The following PPP2R5E variants were observed in gnomAD, a reference collection of about 807,000 sequenced individuals.
PPP2R5E encodes the protein protein phosphatase 2 regulatory subunit B'epsilon.
A neutral mutation model predicts 65.3 loss-of-function variants in PPP2R5E; 4 were observed. The observed-to-expected ratio is 0.06, with a 90% CI of 0.03 to 0.14. PPP2R5E has a LOEUF of 0.14. Among genes scored for constraint, PPP2R5E ranks in the 10% least tolerant of loss-of-function variants. PPP2R5E has a pLI of 1.00. For missense variants in PPP2R5E, 274 were observed against 556.1 expected, an observed-to-expected ratio of 0.49 and a Z score of 5.10; for synonymous variants, 183 against 187.4, an observed-to-expected ratio of 0.98 and a Z score of 0.19.
chr14:63,380,842 CAAA>C (rs1295215708), intron 13 of PPP2R5E, among the ~76,000 whole-genome samples: 1 of 151,942 alleles, frequency 6.6e-6, no homozygotes, highest in Non-Finnish European at 1.5e-5. Flanking sequence ...TAACTTAAAA[CAAA>C]AAAATCATTG....
chr14:63,387,395 G>A (rs189413902), intron 11 of PPP2R5E, among the ~76,000 whole-genome samples: 25 of 152,218 alleles, frequency 1.6e-4, no homozygotes, highest in Admixed American at 1.5e-3. Flanking sequence ...CTGACAACAG[G>A]ACAGAGCCAC....
At chr14:63,463,914 A>C (rs998925275) in intron 2 of PPP2R5E, among the ~76,000 whole-genome samples, 1 of 152,190 alleles carries the variant, frequency 6.6e-6, no homozygotes, top group African/African-American at 2.4e-5. Flanking sequence ...TTTTTAAAAT[A>C]AACAGAATGG....
chr14:63,472,342 G>A (rs950563799), intron 2 of PPP2R5E, among the ~76,000 whole-genome samples: 1 of 151,866 alleles, frequency 6.6e-6, no homozygotes, highest in Non-Finnish European at 1.5e-5. Context: ...TTAGTGTTAA[G>A]TCTCTCAAAA....
intron 2 of PPP2R5E, among the ~76,000 whole-genome samples, chr14:63,495,800 C>T (rs1479012918): frequency 6.6e-6 from 1 of 151,898 alleles, no homozygotes; most frequent in East Asian, 1.9e-4. Flanking sequence ...AAATGATCCT[C>T]CTGCCTCAGC....
At chr14:63,398,202 T>C (rs1188743565) in intron 5 of PPP2R5E, among the ~76,000 whole-genome samples, 3 of 152,042 alleles carry the variant, frequency 2.0e-5, no homozygotes, top group Non-Finnish European at 2.9e-5. Flanking sequence ...TCAATCTCTA[T>C]CAAAAGTTCT....
chr14:63,497,086 T>G (rs1476084840), intron 2 of PPP2R5E, among the ~76,000 whole-genome samples: 1 of 152,106 alleles, frequency 6.6e-6, no homozygotes, highest in Admixed American at 6.5e-5. Context: ...AAAAATAAAC[T>G]ATCTCTATTT....
intron 2 of PPP2R5E, among the ~76,000 whole-genome samples, chr14:63,501,883 A>C (rs1891907561): frequency 1.3e-5 from 2 of 152,236 alleles, no homozygotes; most frequent in Admixed American, 1.3e-4. Flanking sequence ...CCAAATAAAA[A>C]TTAGAGTTTT....
intron 2 of PPP2R5E, among the ~76,000 whole-genome samples, chr14:63,490,414 C>T (rs539991411): frequency 2.0e-5 from 3 of 151,884 alleles, no homozygotes; most frequent in Non-Finnish European, 2.9e-5. Context: ...AAAGCACTTC[C>T]GCACAGTGAA....
At chr14:63,484,755 G>A (rs763454912) in intron 2 of PPP2R5E, among the ~76,000 whole-genome samples, 2 of 152,134 alleles carry the variant, frequency 1.3e-5, no homozygotes, top group Non-Finnish European at 2.9e-5. Flanking sequence ...AAGATATGGA[G>A]AGGTTCAAAA....
chr14:63,394,649 G>A (rs1251133855), intron 7 of PPP2R5E, among the ~76,000 whole-genome samples: 1 of 152,086 alleles, frequency 6.6e-6, no homozygotes, highest in East Asian at 1.9e-4. Context: ...CCCAGCCTAG[G>A]GAAATCACTG....
chr14:63,422,417 C>G (rs1414153582), intron 3 of PPP2R5E, among the ~76,000 whole-genome samples: 1 of 152,152 alleles, frequency 6.6e-6, no homozygotes, highest in Admixed American at 6.5e-5. Flanking sequence ...TCTGATTAAC[C>G]AACTGACATA....
At chr14:63,429,133 G>C (rs1302499647) in intron 3 of PPP2R5E, among the ~76,000 whole-genome samples, 1 of 152,066 alleles carries the variant, frequency 6.6e-6, no homozygotes, top group Non-Finnish European at 1.5e-5. Flanking sequence ...TGTGATCAGG[G>C]GACCACTTGT....
intron 3 of PPP2R5E, among the ~76,000 whole-genome samples, chr14:63,422,745 A>AC (rs1432430951): frequency 6.7e-6 from 1 of 149,694 alleles, no homozygotes; most frequent in Non-Finnish European, 1.5e-5. Flanking sequence ...AAAAAAAAAA[A>AC]AAAAAAAAAA....
intron 3 of PPP2R5E, among the ~76,000 whole-genome samples, chr14:63,443,323 T>C (rs1046739963): frequency 6.6e-6 from 1 of 152,178 alleles, no homozygotes; most frequent in Non-Finnish European, 1.5e-5. Context: ...AAGCAGAGAT[T>C]GAGAATTGAA....
At chr14:63,458,360 G>T (rs1265260746) in intron 2 of PPP2R5E, among the ~76,000 whole-genome samples, 1 of 152,154 alleles carries the variant, frequency 6.6e-6, no homozygotes, top group Non-Finnish European at 1.5e-5. Flanking sequence ...ACATAATCAT[G>T]GATCCAATAT....
At chr14:63,459,070 A>G (rs565000647) in intron 2 of PPP2R5E, among the ~76,000 whole-genome samples, 5 of 152,148 alleles carry the variant, frequency 3.3e-5, no homozygotes, top group African/African-American at 1.2e-4. Flanking sequence ...ACTTCAACAA[A>G]ATCACTGAGA....
At chr14:63,446,896 TG>T (rs1888510431) in intron 3 of PPP2R5E, among the ~76,000 whole-genome samples, 2 of 151,454 alleles carry the variant, frequency 1.3e-5, no homozygotes, top group South Asian at 4.2e-4. Flanking sequence ...TTAGAGCTCT[TG>T]GGTAACAAGG....
At chr14:63,519,507 ATTTT>A (rs557285871) in intron 2 of PPP2R5E, among the ~76,000 whole-genome samples, 3 of 124,326 alleles carry the variant, frequency 2.4e-5, no homozygotes, top group East Asian at 2.4e-4. Context: ...TGCCCAGCTA[ATTTT>A]TTTTTTTTTT....
chr14:63,411,659 A>T (rs12432576), intron 5 of PPP2R5E, among the ~76,000 whole-genome samples: 2,349 of 79,632 alleles, frequency 0.029, 33 homozygotes, highest in East Asian at 0.088. Context: ...GTGGTTGTTT[A>T]AAAAAAAAAA....
Sources: gnomAD v4.1 joint callset for allele counts (sites outside exome capture counted in the v4.1 genomes callset) on GRCh38, gnomAD v4.1.1 for gene constraint, MANE v1.5 for transcripts, NCBI Gene and HGNC (gene_info 2026-07-23, HGNC 2026-07-21) for gene names.